Variants in ADGRL2 observed in about 807,000 individuals in gnomAD.
The protein encoded by ADGRL2 is calcium-independent alpha-latrotoxin receptor 2.
Under a neutral mutation model 157.4 loss-of-function variants are expected in ADGRL2, and 44 were observed. The ratio of observed to expected loss-of-function variants is 0.28; its 90% CI spans 0.22 to 0.36. ADGRL2 has a LOEUF of 0.36. ADGRL2 is among the 10% of genes least tolerant of loss of function. The pLI is 1.00. For missense variants in ADGRL2, 1,510 were observed against 1,768.9 expected, an observed-to-expected ratio of 0.85 and a Z score of 2.63; for synonymous variants, 585 against 624.7, an observed-to-expected ratio of 0.94 and a Z score of 0.95.
At chr1:81,443,709 T>C (rs1356886757) in intron 1 of ADGRL2, among the ~76,000 whole-genome samples, 1 of 152,214 alleles carries the variant, frequency 6.6e-6, no homozygotes, top group Non-Finnish European at 1.5e-5. Flanking sequence ...ACCATCTCAC[T>C]GCTTTGAGAA....
chr1:81,843,055 T>C (rs2092656584), intron 2 of ADGRL2, among the ~76,000 whole-genome samples: 1 of 152,184 alleles, frequency 6.6e-6, no homozygotes, highest in Non-Finnish European at 1.5e-5. Context: ...GCCTGCTGCA[T>C]AGCAAATGTA....
chr1:81,883,833 T>C (rs2094051180), intron 2 of ADGRL2, among the ~76,000 whole-genome samples: 1 of 152,184 alleles, frequency 6.6e-6, no homozygotes, highest in African/African-American at 2.4e-5. Flanking sequence ...TTATCAGTTT[T>C]AAAAGTTAAG....
At chr1:81,536,843 A>C (rs1259433043) in intron 2 of ADGRL2, among the ~76,000 whole-genome samples, 1 of 152,208 alleles carries the variant, frequency 6.6e-6, no homozygotes, top group African/African-American at 2.4e-5. Flanking sequence ...CATGTAGCTA[A>C]GTGTTTAGTG....
At chr1:81,533,342 G>A (rs1201939315) in intron 2 of ADGRL2, among the ~76,000 whole-genome samples, 1 of 152,166 alleles carries the variant, frequency 6.6e-6, no homozygotes, top group East Asian at 1.9e-4. Context: ...TTGTGCCATT[G>A]CACTCCAGCC....
intron 4 of ADGRL2, among the ~76,000 whole-genome samples, chr1:81,938,767 A>G (rs1029929749): frequency 6.6e-6 from 1 of 151,034 alleles, no homozygotes; most frequent in Admixed American, 6.6e-5. Flanking sequence ...TTAAAATACA[A>G]TGCAAAGAGC....
intron 1 of ADGRL2, among the ~76,000 whole-genome samples, chr1:81,385,325 G>C (rs1169189253): frequency 1.3e-5 from 2 of 152,030 alleles, no homozygotes; most frequent in African/African-American, 4.8e-5. Context: ...TTGTGAGCTG[G>C]CTGTATTTTC....
chr1:81,728,169 T>C (rs1175734945), intron 1 of ADGRL2, among the ~76,000 whole-genome samples: 1 of 152,192 alleles, frequency 6.6e-6, no homozygotes, highest in African/African-American at 2.4e-5. Flanking sequence ...TCTAACTTAT[T>C]TACTTTTTCC....
At chr1:81,747,409 T>C (rs2085335396) in intron 1 of ADGRL2, among the ~76,000 whole-genome samples, 1 of 151,668 alleles carries the variant, frequency 6.6e-6, no homozygotes, top group Non-Finnish European at 1.5e-5. Flanking sequence ...CAAGGGATTC[T>C]CCTGTCTCAG....
intron 2 of ADGRL2, among the ~76,000 whole-genome samples, chr1:81,875,137 A>G (rs1381921977): frequency 1.3e-5 from 2 of 152,162 alleles, no homozygotes; most frequent in East Asian, 3.9e-4. Flanking sequence ...TGACCTTGTC[A>G]AACAAAAGTG....
intron 1 of ADGRL2, among the ~76,000 whole-genome samples, chr1:81,819,373 C>T (rs2090751493): frequency 6.6e-6 from 1 of 151,990 alleles, no homozygotes; most frequent in South Asian, 2.1e-4. Flanking sequence ...AAGGAATGAG[C>T]CCATTTTCTG....
intron 2 of ADGRL2, among the ~76,000 whole-genome samples, chr1:81,500,687 G>A (rs2078826663): frequency 6.6e-6 from 1 of 152,176 alleles, no homozygotes; most frequent in South Asian, 2.1e-4. Flanking sequence ...TGGATACAGA[G>A]TTTCAGTTGG....
intron 3 of ADGRL2, among the ~76,000 whole-genome samples, chr1:81,666,057 C>T (rs1484913269): frequency 6.6e-6 from 1 of 152,120 alleles, no homozygotes; most frequent in Non-Finnish European, 1.5e-5. Flanking sequence ...AATAGATAAG[C>T]AAGCACAATC....
chr1:81,580,711 T>C (rs557768877), intron 2 of ADGRL2, among the ~76,000 whole-genome samples: 1 of 152,340 alleles, frequency 6.6e-6, no homozygotes, highest in African/African-American at 2.4e-5. Flanking sequence ...CCACAATGAA[T>C]GAATAAGACT....
At chr1:81,852,265 C>T (rs1447181268) in intron 2 of ADGRL2, among the ~76,000 whole-genome samples, 1 of 151,980 alleles carries the variant, frequency 6.6e-6, no homozygotes, top group Non-Finnish European at 1.5e-5. Context: ...AAGTTTGGTA[C>T]CAGTGAAAGT....
At chr1:81,469,043 C>T (rs1449098182) in intron 2 of ADGRL2, among the ~76,000 whole-genome samples, 2 of 152,180 alleles carry the variant, frequency 1.3e-5, no homozygotes, top group African/African-American at 4.8e-5. Context: ...CCACCTAGCA[C>T]CTGTACTTCA....
chr1:81,746,852 G>A (rs887965679), intron 1 of ADGRL2, among the ~76,000 whole-genome samples: 2 of 129,478 alleles, frequency 1.5e-5, no homozygotes, highest in Admixed American at 7.3e-5. Flanking sequence ...ATATACACAC[G>A]TGCACACGTA....
At chr1:81,984,787 C>A in intron 20 of ADGRL2, 76 bp downstream of exon 20, 1 of 1,431,194 alleles carries the variant, frequency 7.0e-7, no homozygotes, top group Non-Finnish European at 9.6e-7. Context: ...TGTTCAGATG[C>A]ACTAATTGTC....
intron 2 of ADGRL2, among the ~76,000 whole-genome samples, chr1:81,448,189 G>A (rs1308695733): frequency 2.2e-5 from 3 of 133,460 alleles, no homozygotes; most frequent in Non-Finnish European, 3.1e-5. Flanking sequence ...CTGTGGCCCA[G>A]GCTGGCATAC....
intron 2 of ADGRL2, among the ~76,000 whole-genome samples, chr1:81,471,591 C>G (rs767310398): frequency 5.3e-5 from 8 of 152,176 alleles, no homozygotes; most frequent in Non-Finnish European, 1.0e-4. Flanking sequence ...ATTTACTCCA[C>G]TAACAGCTGA....
Sources: gnomAD v4.1 joint callset for allele counts (sites outside exome capture counted in the v4.1 genomes callset) on GRCh38, gnomAD v4.1.1 for gene constraint, MANE v1.5 for transcripts, NCBI Gene and HGNC (gene_info 2026-07-23, HGNC 2026-07-21) for gene names.